Variants in CSGALNACT1 observed in about 807,000 individuals in gnomAD.
The protein encoded by CSGALNACT1 is beta4GalNAcT-1.
A neutral mutation model predicts 51.0 loss-of-function variants in CSGALNACT1; 52 were observed. The observed-to-expected ratio is 1.02, with a 90% CI of 0.82 to 1.29. The LOEUF is 1.29. CSGALNACT1 is among the 50% of genes most tolerant of loss of function. The pLI is 0.00. For missense variants in CSGALNACT1, 935 were observed against 679.2 expected, an observed-to-expected ratio of 1.38 and a Z score of -4.19; for synonymous variants, 341 against 254.4, an observed-to-expected ratio of 1.34 and a Z score of -3.24.
rs898058279 is a variant in CSGALNACT1, at chr8:19,475,429, A to C, written c.635-16787T>G. Reference sequence around the variant, plus strand: ...TCCCTACAGCTAAAACAAAATCTGTAACAATCTGAATATTAAGCTGTACAA... The same window carrying C: ...TCCCTACAGCTAAAACAAAATCTGTCACAATCTGAATATTAAGCTGTACAA... On this transcript the variant is annotated intron_variant, in intron 4 of 9. Transcript: ENST00000454498. Among the ~76,000 whole-genome samples, 4 of 152,160 alleles carry C rather than the reference A, an allele frequency of 2.6e-5. No homozygotes were observed. In the East Asian group the frequency reaches 7.7e-4, roughly 29 times the overall value.
At chr8:19,548,429 A>T (rs1423049488) in intron 3 of CSGALNACT1, among the ~76,000 whole-genome samples, 1 of 152,206 alleles carries the variant, frequency 6.6e-6, no homozygotes, top group Non-Finnish European at 1.5e-5. Context: ...ATATATTCCA[A>T]AAACTCACTG....
At chr8:19,470,973 A>G (rs551954147) in intron 4 of CSGALNACT1, among the ~76,000 whole-genome samples, 39 of 152,068 alleles carry the variant, frequency 2.6e-4, no homozygotes, top group Non-Finnish European at 5.0e-4. Context: ...GTGGGTACCC[A>G]TCATCCCAGC....
At chr8:19,619,776 A>G (rs932897609) in intron 1 of CSGALNACT1, among the ~76,000 whole-genome samples, 1 of 152,214 alleles carries the variant, frequency 6.6e-6, no homozygotes, top group Non-Finnish European at 1.5e-5. Flanking sequence ...CTGAATAAAC[A>G]TTGATAACAA....
Position 19,505,155 on chromosome 8 carries a change from C to T in CSGALNACT1, c.634+46G>A, listed in dbSNP as rs2077064186. 20 of 1,611,304 alleles carry T rather than the reference C, an allele frequency of 1.2e-5. No individual in the cohort carries two copies. The East Asian group carries it at 4.5e-4, about 36-fold the overall frequency. On this transcript the variant is annotated intron_variant, in intron 4 of 9. Transcript: ENST00000454498. ...GAACCTGCCTGGGTGCCAGGAACCCCCAATTCCTTTTCTTCTCCTTTCCCC... is the reference window on the plus strand; with the variant it reads ...GAACCTGCCTGGGTGCCAGGAACCCTCAATTCCTTTTCTTCTCCTTTCCCC...
intron 1 of CSGALNACT1, among the ~76,000 whole-genome samples, chr8:19,747,962 C>T (rs1208954648): frequency 1.3e-5 from 2 of 152,124 alleles, no homozygotes; most frequent in East Asian, 1.9e-4. Flanking sequence ...ATGCTTTAGA[C>T]AACTTGGAGG....
intron 6 of CSGALNACT1, among the ~76,000 whole-genome samples, chr8:19,429,995 G>A (rs1249940294): frequency 6.6e-6 from 1 of 152,182 alleles, no homozygotes; most frequent in East Asian, 1.9e-4. Flanking sequence ...GTCCTGCTGT[G>A]CTTATTGGCC....
intron 4 of CSGALNACT1, 59 bp downstream of exon 3, chr8:19,505,142 G>A (rs769915373): frequency 3.7e-6 from 6 of 1,602,318 alleles, no homozygotes; most frequent in African/African-American, 1.3e-5. Flanking sequence ...ACCTGCCTGG[G>A]TGCCAGGAAC....
At chr8:19,661,250 C>G (rs551693500) in intron 1 of CSGALNACT1, among the ~76,000 whole-genome samples, 41 of 152,170 alleles carry the variant, frequency 2.7e-4, no homozygotes, top group African/African-American at 9.2e-4. Context: ...GCCACAAGGC[C>G]TCTCCCAGAG....
intron 1 of CSGALNACT1, among the ~76,000 whole-genome samples, chr8:19,701,152 C>CTTTTTTTTTTT (rs1230956394): frequency 1.8e-5 from 1 of 54,316 alleles, no homozygotes; most frequent in African/African-American, 5.9e-5. Context: ...ATCTATTATC[C>CTTTTTTTTTTT]GTTTTTTTTT....
intron 1 of CSGALNACT1, among the ~76,000 whole-genome samples, chr8:19,656,577 C>T (rs781628258): frequency 7.0e-6 from 1 of 141,882 alleles, no homozygotes; most frequent in Non-Finnish European, 1.5e-5. Flanking sequence ...TGACCAAGAA[C>T]CAGGAGAAAC....
chr8:19,543,327 A>G (rs961030777), intron 3 of CSGALNACT1, among the ~76,000 whole-genome samples: 2 of 152,232 alleles, frequency 1.3e-5, no homozygotes, highest in African/African-American at 4.8e-5. Context: ...AAGTGTTAAC[A>G]TAGCACGCCT....
At chr8:19,589,865 C>T (rs1386912548) in intron 3 of CSGALNACT1, among the ~76,000 whole-genome samples, 2 of 152,028 alleles carry the variant, frequency 1.3e-5, no homozygotes, top group African/African-American at 4.8e-5. Flanking sequence ...AGAAAATAGG[C>T]AGTTTGTGGA....
intron 2 of CSGALNACT1, among the ~76,000 whole-genome samples, chr8:19,599,425 G>GA (rs1328476413): frequency 1.5e-5 from 2 of 134,290 alleles, no homozygotes; most frequent in East Asian, 2.2e-4. Context: ...AGGAAGGAAG[G>GA]AAGGAAAGGA....
intron 6 of CSGALNACT1, among the ~76,000 whole-genome samples, chr8:19,427,524 C>T (rs1410052690): frequency 2.0e-5 from 3 of 152,120 alleles, no homozygotes; most frequent in African/African-American, 7.2e-5. Context: ...TGTGGTGGCT[C>T]ATGCTTGTAA....
At chr8:19,434,572 A>G (rs2060102615) in intron 6 of CSGALNACT1, among the ~76,000 whole-genome samples, 1 of 152,210 alleles carries the variant, frequency 6.6e-6, no homozygotes, top group African/African-American at 2.4e-5. Context: ...TAATTTATAT[A>G]GCATATTCAA....
exon 4 of CSGALNACT1, chr8:19,505,812 A>C: frequency 6.2e-7 from 1 of 1,612,846 alleles, no homozygotes; most frequent in Non-Finnish European, 8.5e-7. Flanking sequence ...CCACGCAAGC[A>C]GCCCCCGGCG....
At chr8:19,560,974 G>A (rs945584306) in intron 3 of CSGALNACT1, among the ~76,000 whole-genome samples, 1 of 152,208 alleles carries the variant, frequency 6.6e-6, no homozygotes, top group African/African-American at 2.4e-5. Context: ...AGAAGCCACA[G>A]CTACACACAG....
At chr8:19,543,050 A>C (rs555167977) in intron 3 of CSGALNACT1, among the ~76,000 whole-genome samples, 1 of 152,330 alleles carries the variant, frequency 6.6e-6, no homozygotes, top group East Asian at 1.9e-4. Flanking sequence ...CTTTGGAAGC[A>C]GTCAGTTACA....
intron 3 of CSGALNACT1, among the ~76,000 whole-genome samples, chr8:19,512,002 C>T (rs1231138211): frequency 6.6e-6 from 1 of 152,214 alleles, no homozygotes; most frequent in African/African-American, 2.4e-5. Context: ...TCATCTCCCA[C>T]CAGGTCCCTC....
Sources: allele counts gnomAD v4.1 joint callset (sites outside exome capture counted in the v4.1 genomes callset), GRCh38; gene constraint gnomAD v4.1.1; transcripts MANE v1.5; gene names NCBI Gene and HGNC (gene_info 2026-07-23, HGNC 2026-07-21).